CCDC148: variants seen among roughly 807,000 people sequenced by gnomAD.
CCDC148 encodes the protein coiled-coil domain containing 148, also known as coiled-coil domain-containing protein 148.
CCDC148 carries 89 observed loss-of-function variants against 85.7 expected under a neutral mutation model. That is an observed-to-expected ratio of 1.04 (90% CI 0.87 to 1.24). CCDC148 has a LOEUF of 1.24. Ranked by LOEUF, CCDC148 falls within the 50% of genes most tolerant of loss-of-function variation. The pLI, the probability that CCDC148 is intolerant of heterozygous loss-of-function variation, is 0.00. For missense variants in CCDC148, 692 were observed against 671.7 expected (o/e 1.03, Z -0.33); for synonymous variants, 230 against 213.9 (o/e 1.08, Z -0.66).
chr2:158,221,431 A>G (rs1169618763), intron 10 of CCDC148, among the ~76,000 whole-genome samples: 2 of 152,180 alleles, frequency 1.3e-5, no homozygotes, highest in African/African-American at 4.8e-5. Context: ...GGATTTCCCA[A>G]TGTGATGGGA....
intron 1 of CCDC148, among the ~76,000 whole-genome samples, chr2:158,380,632 T>C (rs1218167333): frequency 6.6e-6 from 1 of 152,160 alleles, no homozygotes; most frequent in Non-Finnish European, 1.5e-5. Flanking sequence ...TTTAAAAATA[T>C]GTATAGAAAT....
intron 1 of CCDC148, among the ~76,000 whole-genome samples, chr2:158,399,702 T>C (rs2105304877): frequency 6.6e-6 from 1 of 152,220 alleles, no homozygotes; most frequent in African/African-American, 2.4e-5. Context: ...GCATTCCCTC[T>C]GAAAACCAGC....
chr2:158,351,387 G>T (rs892429731), intron 2 of CCDC148, among the ~76,000 whole-genome samples: 1 of 152,206 alleles, frequency 6.6e-6, no homozygotes, highest in East Asian at 1.9e-4. Context: ...CGCAACGTGC[G>T]CGAGCCGAAG....
chr2:158,330,204 G>T (rs1328569269), intron 7 of CCDC148, among the ~76,000 whole-genome samples: 1 of 152,140 alleles, frequency 6.6e-6, no homozygotes, highest in Non-Finnish European at 1.5e-5. Flanking sequence ...TTTATTGAGT[G>T]TTTTTAGCAT....
intron 1 of CCDC148, among the ~76,000 whole-genome samples, chr2:158,437,090 T>G (rs1018958712): frequency 2.0e-5 from 3 of 152,056 alleles, no homozygotes; most frequent in East Asian, 1.9e-4. Context: ...CTATTCCAAA[T>G]AATAGAAAAA....
intron 10 of CCDC148, among the ~76,000 whole-genome samples, chr2:158,233,569 T>C (rs1431709338): frequency 6.6e-6 from 1 of 151,708 alleles, no homozygotes; most frequent in East Asian, 1.9e-4. Flanking sequence ...TATAGAAAGA[T>C]AGCATTGCCC....
chr2:158,422,711 A>G (rs1438036992), intron 1 of CCDC148, among the ~76,000 whole-genome samples: 2 of 152,164 alleles, frequency 1.3e-5, no homozygotes, highest in African/African-American at 4.8e-5. Flanking sequence ...CCTCTTCAAC[A>G]TAGTATTGGA....
At chr2:158,208,711 C>T (rs554829067) in intron 11 of CCDC148, among the ~76,000 whole-genome samples, 1 of 152,212 alleles carries the variant, frequency 6.6e-6, no homozygotes, top group East Asian at 1.9e-4. Flanking sequence ...TTCTATCTTC[C>T]CAGACTTCAT....
chr2:158,376,324 A>C (rs1028769350), intron 1 of CCDC148, among the ~76,000 whole-genome samples: 10 of 152,118 alleles, frequency 6.6e-5, no homozygotes, highest in Non-Finnish European at 1.3e-4. Flanking sequence ...AGTTAAGTAT[A>C]CTACCAAAAA....
intron 1 of CCDC148, among the ~76,000 whole-genome samples, chr2:158,434,449 C>T (rs113761708): frequency 4.7e-4 from 71 of 152,010 alleles, no homozygotes; most frequent in Non-Finnish European, 8.2e-4. Flanking sequence ...GAAAGGACAT[C>T]CACACCAAAA....
intron 11 of CCDC148, among the ~76,000 whole-genome samples, chr2:158,189,270 C>T (rs752906959): frequency 2.0e-5 from 3 of 151,860 alleles, no homozygotes; most frequent in Admixed American, 6.6e-5. Flanking sequence ...TAAATCAATT[C>T]ATTCCCTTTT....
chr2:158,389,903 G>A (rs1685236075), intron 1 of CCDC148, among the ~76,000 whole-genome samples: 1 of 152,168 alleles, frequency 6.6e-6, no homozygotes, highest in Non-Finnish European at 1.5e-5. Context: ...AGGAGTAGAA[G>A]CCTTAATTGC....
At chr2:158,420,369 T>G (rs1200840938) in intron 1 of CCDC148, among the ~76,000 whole-genome samples, 1 of 152,082 alleles carries the variant, frequency 6.6e-6, no homozygotes, top group African/African-American at 2.4e-5. Context: ...GGGAAGCCCA[T>G]CAGACTAACA....
intron 8 of CCDC148, among the ~76,000 whole-genome samples, chr2:158,312,379 C>T (rs774898932): frequency 1.3e-5 from 2 of 151,728 alleles, no homozygotes; most frequent in South Asian, 2.1e-4. Flanking sequence ...GTCAAGAGAT[C>T]GAGACCATCC....
intron 11 of CCDC148, among the ~76,000 whole-genome samples, chr2:158,216,156 T>C (rs775141140): frequency 5.9e-5 from 9 of 152,162 alleles, no homozygotes; most frequent in Non-Finnish European, 8.8e-5. Flanking sequence ...ACATATAAAA[T>C]AGATAGCATG....
At chr2:158,225,804 C>T (rs1238056657) in intron 10 of CCDC148, among the ~76,000 whole-genome samples, 1 of 152,088 alleles carries the variant, frequency 6.6e-6, no homozygotes, top group Non-Finnish European at 1.5e-5. Flanking sequence ...ACATTCAAAG[C>T]AGTGTGTAGA....
intron 10 of CCDC148, among the ~76,000 whole-genome samples, chr2:158,223,116 C>T (rs531300492): frequency 5.3e-5 from 8 of 152,298 alleles, no homozygotes; most frequent in South Asian, 2.1e-4. Flanking sequence ...GTCACTCCCA[C>T]GCTAATACTG....
At chr2:158,453,397 G>C (rs1372364693) in intron 1 of CCDC148, among the ~76,000 whole-genome samples, 1 of 152,168 alleles carries the variant, frequency 6.6e-6, no homozygotes, top group African/African-American at 2.4e-5. Context: ...GTGGGGCTCA[G>C]CCAATCCTGA....
At chr2:158,438,610 C>A (rs529024941) in intron 1 of CCDC148, among the ~76,000 whole-genome samples, 108 of 152,138 alleles carry the variant, frequency 7.1e-4, no homozygotes, top group Middle Eastern at 6.8e-3. Context: ...GCAACAAAAG[C>A]CAAAATTGAC....
Sources: gnomAD v4.1 joint callset for allele counts (sites outside exome capture counted in the v4.1 genomes callset) on GRCh38, gnomAD v4.1.1 for gene constraint, MANE v1.5 for transcripts, NCBI Gene and HGNC (gene_info 2026-07-23, HGNC 2026-07-21) for gene names.